The following N4BP2L1 variants were observed in gnomAD, a reference collection of about 807,000 sequenced individuals.
The protein encoded by N4BP2L1 is NEDD4-binding protein 2-like 1.
Under a neutral mutation model 21.2 loss-of-function variants are expected in N4BP2L1, and 12 were observed. The observed-to-expected ratio is 0.57, with a 90% CI of 0.36 to 0.92. N4BP2L1 has a LOEUF of 0.92. N4BP2L1 is among the 40% of genes least tolerant of loss of function. N4BP2L1 has a pLI of 0.01. For missense variants in N4BP2L1, 259 were observed against 310.6 expected (o/e 0.83, Z 1.25); for synonymous variants, 104 against 112.8 (o/e 0.92, Z 0.49).
At chr13:32,415,745 G>T (rs1427282611) in intron 1 of N4BP2L1, among the ~76,000 whole-genome samples, 1 of 152,118 alleles carries the variant, frequency 6.6e-6, no homozygotes, top group Non-Finnish European at 1.5e-5. Flanking sequence ...AAAGACAAAA[G>T]AAATAATAAC....
intron 1 of N4BP2L1, among the ~76,000 whole-genome samples, chr13:32,410,350 G>A (rs1458934601): frequency 6.6e-6 from 1 of 152,244 alleles, no homozygotes; most frequent in African/African-American, 2.4e-5. Context: ...ACAAGAAGCT[G>A]CTCACCAGCG....
At chr13:32,422,344 G>A (rs1208710393) in intron 1 of N4BP2L1, among the ~76,000 whole-genome samples, 1 of 141,328 alleles carries the variant, frequency 7.1e-6, no homozygotes, top group Non-Finnish European at 1.5e-5. Flanking sequence ...TTCTTTTGGG[G>A]TACACAAAAA....
At position 32,407,700 on chromosome 13, in the gene N4BP2L1, GGCAC is replaced by G. The variant is rs773066474; in HGVS notation, c.248_251del (p.Gly83AlafsTer24). On this transcript the variant is annotated frameshift_variant, in exon 2 of 5. Coordinates refer to ENST00000380130, the MANE Select transcript of N4BP2L1 (RefSeq NM_052818.3). LOFTEE classifies it high-confidence loss of function. ...CCAGGAAGTCAGGATTGAACTCATA[GGCAC>G]CATCTTCCCTGAAGAAAAAATCATC... The G allele has an allele frequency of 3.7e-6, 6 of 1,613,378 alleles. No homozygotes were observed.
At chr13:32,405,681 C>T (rs1593229577) in intron 3 of N4BP2L1, among the ~76,000 whole-genome samples, 3 of 152,270 alleles carry the variant, frequency 2.0e-5, no homozygotes, top group South Asian at 4.1e-4. Flanking sequence ...GCTCATTCTT[C>T]CTTACATTCA....
intron 1 of N4BP2L1, 148 bp from the exon 2 acceptor site, chr13:32,407,920 G>C (rs967769936): frequency 1.1e-6 from 1 of 879,702 alleles, no homozygotes; most frequent in Non-Finnish European, 1.7e-6. Flanking sequence ...TCAAAAGAGA[G>C]ATGTTTATTA....
intron 1 of N4BP2L1, among the ~76,000 whole-genome samples, chr13:32,427,472 C>CGAA (rs1164864496): frequency 1.3e-5 from 2 of 152,234 alleles, no homozygotes. Flanking sequence ...CGGGTTTTCC[C>CGAA]GAAGAAGAGT....
intron 1 of N4BP2L1, among the ~76,000 whole-genome samples, chr13:32,414,506 A>G (rs1312548367): frequency 6.6e-6 from 1 of 152,172 alleles, no homozygotes; most frequent in East Asian, 1.9e-4. Context: ...TTTATTATGT[A>G]CAGCAATTGC....
intron 3 of N4BP2L1, chr13:32,406,310 A>G (rs1047923316): frequency 2.0e-5 from 3 of 152,166 alleles, no homozygotes; most frequent in Non-Finnish European, 4.4e-5. Context: ...AAAAAAGACC[A>G]AATAGACTTC....
upstream of N4BP2L1, among the ~76,000 whole-genome samples, chr13:32,429,164 C>G (rs1028125475): frequency 6.6e-6 from 1 of 152,208 alleles, no homozygotes; most frequent in Non-Finnish European, 1.5e-5. Flanking sequence ...AAGTGATTTC[C>G]TTCTAAAACA....
upstream of N4BP2L1, among the ~76,000 whole-genome samples, chr13:32,428,504 TA>T (rs2074918709): frequency 6.6e-6 from 1 of 152,188 alleles, no homozygotes; most frequent in Admixed American, 6.5e-5. Flanking sequence ...AGCTGATGAT[TA>T]ATGAGCTGCC....
chr13:32,428,849 A>G (rs564717189), upstream of N4BP2L1, among the ~76,000 whole-genome samples: 3 of 152,242 alleles, frequency 2.0e-5, no homozygotes, highest in Non-Finnish European at 2.9e-5. Flanking sequence ...AAAGTGGCAG[A>G]GTCTACCGAA....
At chr13:32,424,203 C>A (rs1290600986) in intron 1 of N4BP2L1, among the ~76,000 whole-genome samples, 3 of 152,202 alleles carry the variant, frequency 2.0e-5, no homozygotes, top group Non-Finnish European at 4.4e-5. Context: ...AATACACTTA[C>A]TACAATGAAG....
rs1233064906 is a variant in N4BP2L1, at chr13:32,402,931, AAGAT to A, written c.*7_*10del. ...ACTTAGGAAAATTCTGCCTGGCTGT[AAGAT>A]AGGCCTCTAATATCCATGGTGACAA... is the stretch of plus-strand genomic sequence containing the variant. On this transcript the variant is annotated 3_prime_UTR_variant, in exon 5 of 5. Transcript: ENST00000380130. 3.0e-5 allele frequency: 46 copies of A among 1,558,330 alleles called. No individual in the cohort carries two copies. Among genetic ancestry groups the A allele is most frequent in the African/African-American group, 9.6e-5 (7 of 72,918 alleles).
chr13:32,413,283 T>A (rs1228431244), intron 1 of N4BP2L1, among the ~76,000 whole-genome samples: 1 of 152,176 alleles, frequency 6.6e-6, no homozygotes, highest in Non-Finnish European at 1.5e-5. Flanking sequence ...TCAAGAATAT[T>A]TTTCATAAGC....
chr13:32,420,445 T>C (rs950954283), intron 1 of N4BP2L1: 3 of 152,202 alleles, frequency 2.0e-5, no homozygotes, highest in African/African-American at 7.2e-5. Flanking sequence ...AGAGTAACTG[T>C]ACAGGAAAAC....
intron 4 of N4BP2L1, chr13:32,403,754 C>T (rs780790389): frequency 3.7e-6 from 2 of 536,330 alleles, no homozygotes; most frequent in Admixed American, 3.9e-5. Context: ...TTTGAAGACA[C>T]TATCTGCCTA....
chr13:32,418,834 T>C (rs764767315), intron 1 of N4BP2L1, among the ~76,000 whole-genome samples: 1 of 152,252 alleles, frequency 6.6e-6, no homozygotes, highest in Non-Finnish European at 1.5e-5. Context: ...ATGGGGCCTA[T>C]AGCCTTTTTG....
chr13:32,408,757 A>C lies in N4BP2L1; in HGVS notation c.180-985T>G, dbSNP rs562163097. 9.2e-5 allele frequency among the ~76,000 whole-genome samples: 14 copies of C among 152,336 alleles called. No homozygotes were observed. In the East Asian group the frequency reaches 2.5e-3, roughly 27 times the overall value. ...AAAATCGGAGGAAAAAAGGTTGGAGAATGACAAGGGCAGGAAATGCAAAGA... is the reference window on the plus strand; with the variant it reads ...AAAATCGGAGGAAAAAAGGTTGGAGCATGACAAGGGCAGGAAATGCAAAGA... On this transcript the variant is annotated intron_variant, in intron 1 of 4. Coordinates refer to ENST00000380130, the MANE Select transcript of N4BP2L1 (RefSeq NM_052818.3).
At chr13:32,424,173 G>C (rs1386413306) in intron 1 of N4BP2L1, among the ~76,000 whole-genome samples, 2 of 152,172 alleles carry the variant, frequency 1.3e-5, no homozygotes, top group Non-Finnish European at 2.9e-5. Context: ...TCCATGATCT[G>C]GTCCTGGGCT....
Sources: gnomAD v4.1 joint callset for allele counts (sites outside exome capture counted in the v4.1 genomes callset) on GRCh38, gnomAD v4.1.1 for gene constraint, MANE v1.5 for transcripts, NCBI Gene and HGNC (gene_info 2026-07-23, HGNC 2026-07-21) for gene names.